The following MYT1L variants were observed in gnomAD, a reference collection of about 807,000 sequenced individuals.
MYT1L encodes the protein myelin transcription factor 1 like, also known as myelin transcription factor 1-like protein.
A neutral mutation model predicts 126.7 loss-of-function variants in MYT1L; 12 were observed. The observed-to-expected ratio is 0.09, with a 90% CI of 0.06 to 0.15. The LOEUF is 0.15. Among genes scored for constraint, MYT1L ranks in the 10% least tolerant of loss-of-function variants. The pLI, the probability that MYT1L is intolerant of heterozygous loss-of-function variation, is 1.00. For synonymous variants in MYT1L, 541 were observed against 604.2 expected (o/e 0.90, Z 1.53); for missense variants, 979 against 1,585.2 (o/e 0.62, Z 6.49).
intron 19 of MYT1L, among the ~76,000 whole-genome samples, chr2:1,849,307 A>G (rs1157118642): frequency 6.6e-6 from 1 of 152,150 alleles, no homozygotes; most frequent in Non-Finnish European, 1.5e-5. Flanking sequence ...AAACACCAGC[A>G]TGGAATGTTC....
intron 4 of MYT1L, among the ~76,000 whole-genome samples, chr2:2,032,145 AGG>A (rs2066381509): frequency 8.4e-6 from 1 of 119,454 alleles, no homozygotes; most frequent in Non-Finnish European, 1.7e-5. Flanking sequence ...TTCTAGAAGG[AGG>A]GCCTTATACA....
intron 3 of MYT1L, among the ~76,000 whole-genome samples, chr2:2,057,797 G>A (rs186368766): frequency 6.6e-6 from 1 of 152,306 alleles, no homozygotes; most frequent in Admixed American, 6.5e-5. Flanking sequence ...TAATGGCTGA[G>A]TAGTATTCCA....
chr2:1,854,466 G>C (rs1479362191), intron 18 of MYT1L, among the ~76,000 whole-genome samples: 2 of 152,142 alleles, frequency 1.3e-5, no homozygotes, highest in Non-Finnish European at 2.9e-5. Context: ...ACGGAAAATA[G>C]CAAGTGTGCT....
At chr2:1,968,322 G>A (rs1324253537) in intron 8 of MYT1L, among the ~76,000 whole-genome samples, 2 of 152,146 alleles carry the variant, frequency 1.3e-5, no homozygotes, top group Non-Finnish European at 2.9e-5. Flanking sequence ...GTGAGAAGCC[G>A]CAGGATTGGT....
intron 1 of MYT1L, among the ~76,000 whole-genome samples, chr2:2,316,120 A>G (rs2096060651): frequency 6.6e-6 from 1 of 152,186 alleles, no homozygotes; most frequent in South Asian, 2.1e-4. Flanking sequence ...AGAGTCTGAG[A>G]TTCAGGCGTG....
intron 3 of MYT1L, among the ~76,000 whole-genome samples, chr2:2,061,745 T>C (rs975033943): frequency 6.6e-6 from 1 of 152,150 alleles, no homozygotes; most frequent in African/African-American, 2.4e-5. Flanking sequence ...TCCAGATTGC[T>C]TGTGGTCTGA....
intron 3 of MYT1L, among the ~76,000 whole-genome samples, chr2:2,074,594 G>A (rs570897907): frequency 7.9e-5 from 12 of 152,274 alleles, no homozygotes; most frequent in African/African-American, 1.9e-4. Flanking sequence ...AACGGGATAT[G>A]GTTAAAAGCA....
At chr2:2,169,298 GCT>G (rs1226789732) in intron 3 of MYT1L, among the ~76,000 whole-genome samples, 1 of 152,114 alleles carries the variant, frequency 6.6e-6, no homozygotes, top group East Asian at 1.9e-4. Flanking sequence ...TTGTGTTTCC[GCT>G]CTCTCAATCA....
chr2:2,201,559 G>A (rs566058571), intron 2 of MYT1L, among the ~76,000 whole-genome samples: 28 of 152,136 alleles, frequency 1.8e-4, no homozygotes, highest in African/African-American at 5.5e-4. Context: ...TTAGCTGGGC[G>A]TGGTGGCAGG....
At chr2:1,921,887 G>A (rs2149100864) in intron 10 of MYT1L, among the ~76,000 whole-genome samples, 1 of 152,252 alleles carries the variant, frequency 6.6e-6, no homozygotes, top group South Asian at 2.1e-4. Flanking sequence ...TATAAAATGT[G>A]TGCTTTATCT....
chr2:2,210,294 T>C (rs879070790), intron 2 of MYT1L, among the ~76,000 whole-genome samples: 3 of 152,236 alleles, frequency 2.0e-5, no homozygotes, highest in Non-Finnish European at 4.4e-5. Context: ...CCTGTGCTTA[T>C]GGGGTATTAC....
chr2:2,241,713 A>T (rs573213176), intron 2 of MYT1L, among the ~76,000 whole-genome samples: 2 of 152,312 alleles, frequency 1.3e-5, no homozygotes, highest in East Asian at 3.9e-4. Flanking sequence ...GAGGCAGCAC[A>T]CGTGTCCACT....
intron 8 of MYT1L, among the ~76,000 whole-genome samples, chr2:1,968,521 G>C (rs889636511): frequency 6.6e-6 from 1 of 152,194 alleles, no homozygotes; most frequent in Non-Finnish European, 1.5e-5. Flanking sequence ...CGGCCCTGCA[G>C]AGTGGCTACC....
intron 8 of MYT1L, among the ~76,000 whole-genome samples, chr2:1,963,236 A>G (rs575564562): frequency 6.6e-6 from 1 of 152,074 alleles, no homozygotes; most frequent in Non-Finnish European, 1.5e-5. Context: ...ATGAAAGAAA[A>G]TTTTTTTTCC....
chr2:1,972,818 C>G (rs2059908834), intron 8 of MYT1L, among the ~76,000 whole-genome samples: 4 of 152,202 alleles, frequency 2.6e-5, no homozygotes, highest in African/African-American at 9.6e-5. Context: ...GGACCCCAGT[C>G]ATGTTCTAAT....
At chr2:1,796,784 C>T (rs766064803) in intron 23 of MYT1L, among the ~76,000 whole-genome samples, 1 of 152,100 alleles carries the variant, frequency 6.6e-6, no homozygotes, top group Non-Finnish European at 1.5e-5. Context: ...GCAGGACTCC[C>T]GCCGTCTCTC....
In MYT1L at chr2:1,791,141, G is replaced by T. The variant is rs1433144337; in HGVS notation, c.*726C>A. On this transcript the variant is annotated 3_prime_UTR_variant, in exon 25 of 25. Coordinates refer to ENST00000647738, the MANE Select transcript of MYT1L (RefSeq NM_001303052.2). The surrounding 1 kb of genome is among the most constrained non-coding windows in gnomAD (Gnocchi z 6.0). ...TAAGCTGCTTTGAATCTTCTGCCAA[G>T]TTTCCATGGCTTGATGTTGTCTTAC... The T allele has an allele frequency of 2.2e-6, 1 of 456,452 alleles. No homozygotes were observed. Among genetic ancestry groups the T allele is most frequent in the Non-Finnish European group, 4.5e-6 (1 of 222,344 alleles). 28.3% of individuals were successfully genotyped at this position (456,452 alleles called of 1,614,324 possible).
At chr2:1,853,926 G>A (rs528757130) in intron 18 of MYT1L, among the ~76,000 whole-genome samples, 1 of 152,300 alleles carries the variant, frequency 6.6e-6, no homozygotes, top group South Asian at 2.1e-4. Flanking sequence ...ATTTATGAAA[G>A]TATAATCCAT....
At chr2:1,823,541 G>A (rs1334975922) in intron 21 of MYT1L, among the ~76,000 whole-genome samples, 2 of 152,212 alleles carry the variant, frequency 1.3e-5, no homozygotes, top group South Asian at 2.1e-4. Context: ...GGCTGCAGGC[G>A]GGGCTTGGGT....
Sources: gnomAD v4.1 joint callset for allele counts (sites outside exome capture counted in the v4.1 genomes callset) on GRCh38, gnomAD v4.1.1 for gene constraint, Gnocchi (gnomAD v3.1) non-coding constraint, MANE v1.5 for transcripts, NCBI Gene and HGNC (gene_info 2026-07-23, HGNC 2026-07-21) for gene names.